The following ADAMTS18 variants were observed in gnomAD, a reference collection of about 807,000 sequenced individuals.
ADAMTS18 encodes A disintegrin and metalloproteinase with thrombospondin motifs 18.
ADAMTS18 carries 157 observed loss-of-function variants against 165.9 expected under a neutral mutation model. The ratio of observed to expected loss-of-function variants is 0.95; its 90% CI spans 0.83 to 1.08. The LOEUF is 1.08. ADAMTS18 is among the 50% of genes least tolerant of loss of function. The pLI is 0.00. For synonymous variants in ADAMTS18, 782 were observed against 578.2 expected, an observed-to-expected ratio of 1.35 and a Z score of -5.06; for missense variants, 2,040 against 1,534.0, an observed-to-expected ratio of 1.33 and a Z score of -5.51.
chr16:77,368,488 G>A (rs879212417), intron 3 of ADAMTS18, among the ~76,000 whole-genome samples: 1 of 147,638 alleles, frequency 6.8e-6, no homozygotes, highest in Non-Finnish European at 1.5e-5. Context: ...TTAGGTTGGA[G>A]TACAATAGCA....
At chr16:77,391,119 A>C (rs1428657312) in intron 3 of ADAMTS18, among the ~76,000 whole-genome samples, 1 of 152,204 alleles carries the variant, frequency 6.6e-6, no homozygotes, top group Non-Finnish European at 1.5e-5. Context: ...GTCTATCTAC[A>C]TAAAGGCATA....
intron 3 of ADAMTS18, among the ~76,000 whole-genome samples, chr16:77,377,504 G>C (rs1050215514): frequency 6.6e-6 from 1 of 152,156 alleles, no homozygotes; most frequent in Non-Finnish European, 1.5e-5. Context: ...ACTTCAAATA[G>C]AATGATGTAA....
At chr16:77,358,174 T>C (rs991137337) in intron 8 of ADAMTS18, among the ~76,000 whole-genome samples, 2 of 152,140 alleles carry the variant, frequency 1.3e-5, no homozygotes, top group Admixed American at 1.3e-4. Flanking sequence ...TGCATGTGTG[T>C]CTAAATGTGT....
Position 77,283,641 on chromosome 16 carries a change from G to T in ADAMTS18, c.*315C>A. 3.1e-6 allele frequency: 1 copy of T among 326,536 alleles called. No individual in the cohort carries two copies. Among genetic ancestry groups the T allele is most frequent in the South Asian group, 3.0e-5 (1 of 32,896 alleles). The allele number at this position is 326,536 out of a possible 1,614,324, so 20.2% of individuals were successfully genotyped here. A position where few individuals can be genotyped will look rare whatever the true frequency, so the allele number is the denominator to read the frequency against. On this transcript the variant is annotated 3_prime_UTR_variant, in exon 23 of 23. Coordinates refer to ENST00000282849, the MANE Select transcript of ADAMTS18 (RefSeq NM_199355.4). ...CCTTGAACCCTTTGAAGTTCAAAAG[G>T]GGGTCTCTCCCCAAATCGACGTATC... is the stretch of plus-strand genomic sequence containing the variant.
chr16:77,388,828 G>C (rs1348971038), intron 3 of ADAMTS18, among the ~76,000 whole-genome samples: 4 of 152,118 alleles, frequency 2.6e-5, no homozygotes, highest in East Asian at 1.9e-4. Flanking sequence ...CCAGATTCCT[G>C]GTACCAGGAG....
chr16:77,369,844 T>C (rs2056851129), intron 3 of ADAMTS18, among the ~76,000 whole-genome samples: 2 of 152,278 alleles, frequency 1.3e-5, no homozygotes, highest in African/African-American at 2.4e-5. Context: ...CTCAACAAAA[T>C]ACTAGCAAAC....
At chr16:77,425,452 A>G (rs2057659571) in intron 3 of ADAMTS18, among the ~76,000 whole-genome samples, 1 of 152,200 alleles carries the variant, frequency 6.6e-6, no homozygotes, top group African/African-American at 2.4e-5. Flanking sequence ...AAAGCAGTCC[A>G]CTACTCTTGC....
intron 3 of ADAMTS18, among the ~76,000 whole-genome samples, chr16:77,387,797 G>A (rs1231732594): frequency 6.6e-6 from 1 of 152,158 alleles, no homozygotes; most frequent in East Asian, 1.9e-4. Flanking sequence ...TTTGTCCATC[G>A]ACAAGACTGT....
At chr16:77,299,713 G>C (rs1394844393) in intron 17 of ADAMTS18, among the ~76,000 whole-genome samples, 1 of 152,210 alleles carries the variant, frequency 6.6e-6, no homozygotes, top group African/African-American at 2.4e-5. Flanking sequence ...TACTCACCCA[G>C]TAGATGGTTG....
chr16:77,366,694 A>G (rs2056799948), intron 4 of ADAMTS18, among the ~76,000 whole-genome samples: 1 of 152,278 alleles, frequency 6.6e-6, no homozygotes, highest in African/African-American at 2.4e-5. Context: ...AATGCAGATT[A>G]AGTATTTCCA....
intron 16 of ADAMTS18, among the ~76,000 whole-genome samples, chr16:77,304,136 C>A (rs982595820): frequency 3.3e-5 from 5 of 152,140 alleles, no homozygotes; most frequent in African/African-American, 1.2e-4. Flanking sequence ...GTAGCTATCA[C>A]TTATTAATAA....
At chr16:77,385,885 T>C (rs1419789860) in intron 3 of ADAMTS18, among the ~76,000 whole-genome samples, 6 of 152,296 alleles carry the variant, frequency 3.9e-5, no homozygotes, top group African/African-American at 1.2e-4. Flanking sequence ...AAAATAATCA[T>C]AGGATTAAGA....
chr16:77,319,799 T>C (rs1489768379), intron 16 of ADAMTS18, 50 bp downstream of exon 16: 7 of 1,612,958 alleles, frequency 4.3e-6, no homozygotes, highest in Non-Finnish European at 5.9e-6. Context: ...CAGTCAACGA[T>C]ATAAATGTAG....
chr16:77,283,913 A>T lies in ADAMTS18; in HGVS notation c.*43T>A, dbSNP rs779633697. On this transcript the variant is annotated 3_prime_UTR_variant, in exon 23 of 23. Transcript: ENST00000282849. ...GGCAGCTGGTCTCTCTAGAGGTTGA[A>T]AGGTAAGCCCCTGGCCCTAAGGTGC... 33 of 1,486,206 alleles carry T rather than the reference A, an allele frequency of 2.2e-5. No homozygotes were observed. The highest frequency in any genetic ancestry group is 3.1e-5 in the Non-Finnish European group (33 of 1,064,640). 92.1% of individuals were successfully genotyped at this position (1,486,206 alleles called of 1,614,324 possible).
In ADAMTS18 at chr16:77,282,803, T is replaced by C. The variant is rs1442246435; in HGVS notation, c.*1153A>G. On this transcript the variant is annotated 3_prime_UTR_variant, in exon 23 of 23. Transcript: ENST00000282849. ...GCTGGCTTCTGATGACTGAAAATAC[T>C]CTTATTCAGTGAGGGTCTTGTCATA... 1 of 152,520 alleles carries C rather than the reference T, an allele frequency of 6.6e-6. No homozygotes were observed. Among genetic ancestry groups the C allele is most frequent in the East Asian group, 1.9e-4 (1 of 5,194 alleles). 9.4% of individuals were successfully genotyped at this position (152,520 alleles called of 1,614,324 possible). A position where few individuals can be genotyped will look rare whatever the true frequency, so the allele number is the denominator to read the frequency against.
Position 77,291,575 on chromosome 16 carries a change from A to C in ADAMTS18, c.3190-97T>G, listed in dbSNP as rs1467292240. The C allele has an allele frequency of 3.2e-5, 38 of 1,195,930 alleles. No homozygotes were observed. The South Asian group carries it at 3.6e-4, about 11-fold the overall frequency. 74.1% of individuals were successfully genotyped at this position (1,195,930 alleles called of 1,614,324 possible). A position where few individuals can be genotyped will look rare whatever the true frequency, so the allele number is the denominator to read the frequency against. On this transcript the variant is annotated intron_variant, in intron 20 of 22. Transcript: ENST00000282849. ...CATAAGGTTGCACCATCCACATGAA[A>C]TAGGAGGGATGGGATTACACAAGGT... is the stretch of plus-strand genomic sequence containing the variant.
chr16:77,351,749 T>C (rs2056559216), intron 10 of ADAMTS18, among the ~76,000 whole-genome samples: 1 of 151,964 alleles, frequency 6.6e-6, no homozygotes. Context: ...TTCTTAGAAA[T>C]AGGGTCTCAG....
At chr16:77,312,212 C>T (rs1024151168) in intron 16 of ADAMTS18, among the ~76,000 whole-genome samples, 1 of 151,770 alleles carries the variant, frequency 6.6e-6, no homozygotes, top group Non-Finnish European at 1.5e-5. Context: ...GCCAATCTTC[C>T]ATTCCTCAAA....
At chr16:77,417,599 A>G (rs2057547336) in intron 3 of ADAMTS18, among the ~76,000 whole-genome samples, 1 of 152,202 alleles carries the variant, frequency 6.6e-6, no homozygotes, top group Non-Finnish European at 1.5e-5. Context: ...TAACAATCCA[A>G]TTGCAAAAGA....
Sources: gnomAD v4.1 joint callset for allele counts (sites outside exome capture counted in the v4.1 genomes callset) on GRCh38, gnomAD v4.1.1 for gene constraint, MANE v1.5 for transcripts, NCBI Gene and HGNC (gene_info 2026-07-23, HGNC 2026-07-21) for gene names.